Variants in PSMF1 observed in about 807,000 individuals in gnomAD.
PSMF1 encodes proteasome inhibitor PI31 subunit.
Under a neutral mutation model 29.3 loss-of-function variants are expected in PSMF1, and 30 were observed. The observed-to-expected ratio is 1.02, with a 90% CI of 0.77 to 1.39. PSMF1 has a LOEUF of 1.39. PSMF1 is among the 40% of genes most tolerant of loss of function. The probability of loss-of-function intolerance (pLI) is 0.00; values close to 1 mark genes in which losing one functional copy is unlikely to be tolerated. For synonymous variants in PSMF1, 134 were observed against 139.7 expected (o/e 0.96, Z 0.29); for missense variants, 344 against 357.5 (o/e 0.96, Z 0.31).
chr20:1,155,245 G>A (rs964491653), intron 4 of PSMF1, among the ~76,000 whole-genome samples: 1 of 152,172 alleles, frequency 6.6e-6, no homozygotes, highest in African/African-American at 2.4e-5. Context: ...GCAGGGAAAG[G>A]CACTACAAAT....
intron 4 of PSMF1, among the ~76,000 whole-genome samples, chr20:1,154,454 T>C (rs935810458): frequency 1.3e-5 from 2 of 152,206 alleles, no homozygotes; most frequent in Admixed American, 6.5e-5. Context: ...CTGTGACCAG[T>C]GCTTCTCTTG....
chr20:1,135,027 A>G, intron 3 of PSMF1, 94 bp from the exon 4 acceptor site: 2 of 1,290,354 alleles, frequency 1.5e-6, no homozygotes, highest in Non-Finnish European at 2.2e-6. Flanking sequence ...AGGAGCTATC[A>G]GGGCCGCCGC....
At chr20:1,115,274 A>C (rs55638735), upstream of PSMF1, among the ~76,000 whole-genome samples, 51 of 58,786 alleles carry the variant, frequency 8.7e-4, no homozygotes, top group Non-Finnish European at 1.3e-3. Context: ...TGTTGAACCA[A>C]GGGGTGGGGG....
chr20:1,162,301 C>CT (rs1230493699), intron 4 of PSMF1, among the ~76,000 whole-genome samples: 8 of 151,948 alleles, frequency 5.3e-5, no homozygotes, highest in Admixed American at 1.3e-4. Context: ...ATTCTTGAGT[C>CT]TTTAAGAGAT....
At chr20:1,136,612 AAG>A (rs1318019479) in intron 4 of PSMF1, among the ~76,000 whole-genome samples, 1 of 152,242 alleles carries the variant, frequency 6.6e-6, no homozygotes, top group African/African-American at 2.4e-5. Context: ...AAATTAGAAA[AAG>A]AGAGTAATTG....
intron 3 of PSMF1, among the ~76,000 whole-genome samples, chr20:1,127,873 C>T (rs1006025386): frequency 6.6e-6 from 1 of 152,158 alleles, no homozygotes; most frequent in Admixed American, 6.5e-5. Flanking sequence ...TCTTTAGGGT[C>T]GTTTTAGGTA....
chr20:1,129,620 A>C (rs1327332754), intron 3 of PSMF1, among the ~76,000 whole-genome samples: 1 of 152,258 alleles, frequency 6.6e-6, no homozygotes. Flanking sequence ...ACTCTGGCTT[A>C]AAACCCTTCA....
Position 1,135,029 on chromosome 20 carries a change from GGCC to G in PSMF1, c.366-78_366-76del, listed in dbSNP as rs200709242. 2.7e-4 allele frequency: 352 copies of G among 1,314,704 alleles called. No homozygotes were observed. In the East Asian group the frequency reaches 3.3e-3, roughly 12 times the overall value. 81.4% of individuals were successfully genotyped at this position (1,314,704 alleles called of 1,614,324 possible). On this transcript the variant is annotated intron_variant, in intron 3 of 6. Transcript: ENST00000335877. ...CAAGCGCAATGCCAGGAGCTATCAG[GGCC>G]GCCGCCGCCGCCGTCGTTGCAGCCA...
At chr20:1,134,872 A>G (rs763743411) in intron 3 of PSMF1, 6 of 573,798 alleles carry the variant, frequency 1.0e-5, no homozygotes, top group Middle Eastern at 2.7e-4. Flanking sequence ...CCTCTTTCTA[A>G]TGGGGTGGTA....
At chr20:1,127,878 T>A (rs1468446919) in intron 3 of PSMF1, among the ~76,000 whole-genome samples, 1 of 152,220 alleles carries the variant, frequency 6.6e-6, no homozygotes, top group Non-Finnish European at 1.5e-5. Context: ...AGGGTCGTTT[T>A]AGGTACAAGC....
chr20:1,141,492 A>G (rs1167608051), intron 4 of PSMF1, among the ~76,000 whole-genome samples: 2 of 151,664 alleles, frequency 1.3e-5, no homozygotes, highest in African/African-American at 2.4e-5. Flanking sequence ...TTTTCTTTTT[A>G]ATATTTTTTC....
chr20:1,127,436 C>G lies in PSMF1; in HGVS notation c.293C>G (p.Ser98Ter), dbSNP rs778112172. Residue 98 changes from serine to a stop codon, truncating the protein, a stop_gained, in exon 3 of 7, where the codon TCA becomes TGA. Coordinates refer to ENST00000335877, the MANE Select transcript of PSMF1 (RefSeq NM_006814.5). LOFTEE classifies it high-confidence loss of function. Reference sequence around the variant, plus strand: ...TTTTCACCCATCTAGGAATATGGCTCACAGCAAGTGGCAGACTTGACCCTG... The same window carrying G: ...TTTTCACCCATCTAGGAATATGGCTGACAGCAAGTGGCAGACTTGACCCTG... ...SMILNVLEYG[S>*]QQVADLTLNL... 5 of 1,603,838 alleles carry G rather than the reference C, an allele frequency of 3.1e-6. No individual in the cohort carries two copies. The highest frequency in any genetic ancestry group is 4.3e-6 in the Non-Finnish European group (5 of 1,170,614).
At chr20:1,131,197 T>A (rs1276496345) in intron 3 of PSMF1, among the ~76,000 whole-genome samples, 1 of 152,226 alleles carries the variant, frequency 6.6e-6, no homozygotes, top group African/African-American at 2.4e-5. Flanking sequence ...GGGAGAGAAA[T>A]TGACAAAACC....
rs1454005965 is a variant in PSMF1 at position 1,165,921 on chromosome 20, C to A, written c.*841C>A. ...AAGCAAGTTCCTTCTCCTCTTAGGG[C>A]CTTGTGCCAAGCCTATGAAATTGGA... is the stretch of plus-strand genomic sequence containing the variant. On this transcript the variant is annotated 3_prime_UTR_variant, in exon 7 of 7. Transcript: ENST00000335877. The A allele has an allele frequency of 5.3e-6, 7 of 1,323,458 alleles. No homozygotes were observed. In the African/African-American group the frequency reaches 1.0e-4, roughly 20 times the overall value. The allele number at this position is 1,323,458 out of a possible 1,614,324, so 82.0% of individuals were successfully genotyped here.
At chr20:1,161,928 C>CTG (rs1432414663) in intron 4 of PSMF1, among the ~76,000 whole-genome samples, 2 of 152,288 alleles carry the variant, frequency 1.3e-5, no homozygotes, top group African/African-American at 4.8e-5. Flanking sequence ...GTTTAATACT[C>CTG]TACATATCTT....
chr20:1,155,372 A>G lies in PSMF1; in HGVS notation c.552-7758A>G, dbSNP rs146155282. On this transcript the variant is annotated intron_variant, in intron 4 of 6. Transcript: ENST00000335877. ...AACTGAGGAAGAACCTTCCTTTCCA[A>G]CAAGAGGACCTGTGGTCTCAAGAGT... is the stretch of plus-strand genomic sequence containing the variant. Among the ~76,000 whole-genome samples the G allele has an allele frequency of 9.1e-3, 1,386 of 152,324 alleles. 16 individuals are homozygous for G. Among genetic ancestry groups the G allele is most frequent in the Middle Eastern group, 0.017 (5 of 294 alleles).
chr20:1,144,801 A>G (rs926399943), intron 4 of PSMF1, among the ~76,000 whole-genome samples: 2 of 152,158 alleles, frequency 1.3e-5, no homozygotes, highest in African/African-American at 4.8e-5. Context: ...TATTAAGGGG[A>G]GTAGCATGAG....
intron 4 of PSMF1, among the ~76,000 whole-genome samples, chr20:1,158,732 T>C (rs2086626814): frequency 6.6e-6 from 1 of 152,322 alleles, no homozygotes; most frequent in Non-Finnish European, 1.5e-5. Flanking sequence ...TTCCTTCAGT[T>C]GATCACCATT....
chr20:1,116,182 C>G (rs141240924), upstream of PSMF1, among the ~76,000 whole-genome samples: 179 of 152,214 alleles, frequency 1.2e-3, no homozygotes, highest in African/African-American at 4.0e-3. Flanking sequence ...TCATGGCAGC[C>G]CAGCCTATGA....
Sources: allele counts gnomAD v4.1 joint callset (sites outside exome capture counted in the v4.1 genomes callset), GRCh38; gene constraint gnomAD v4.1.1; transcripts MANE v1.5; gene names NCBI Gene and HGNC (gene_info 2026-07-23, HGNC 2026-07-21).